Variants in ANK3 observed in about 807,000 individuals in gnomAD.
The protein encoded by ANK3 is ankyrin 3.
ANK3 carries 57 observed loss-of-function variants against 370.9 expected under a neutral mutation model. That is an observed-to-expected ratio of 0.15 (90% CI 0.12 to 0.19). ANK3 has a LOEUF of 0.19. Among genes scored for constraint, ANK3 ranks in the 10% least tolerant of loss-of-function variants. ANK3 has a pLI of 1.00. For missense variants in ANK3, 4,439 were observed against 5,302.1 expected, an observed-to-expected ratio of 0.84 and a Z score of 5.06; for synonymous variants, 1,929 against 1,946.3, an observed-to-expected ratio of 0.99 and a Z score of 0.23.
At chr10:60,595,137 A>G (rs912876407) in intron 2 of ANK3, among the ~76,000 whole-genome samples, 1 of 152,188 alleles carries the variant, frequency 6.6e-6, no homozygotes, top group African/African-American at 2.4e-5. Flanking sequence ...GAACAGTAGC[A>G]GGTAAAAGAG....
chr10:60,168,625 G>A (rs751984425), intron 21 of ANK3, among the ~76,000 whole-genome samples: 10 of 152,060 alleles, frequency 6.6e-5, no homozygotes, highest in Admixed American at 2.6e-4. Flanking sequence ...GTGCCATGGT[G>A]GTTTACTGCA....
intron 6 of ANK3, 131 bp downstream of exon 6, chr10:60,263,704 C>T: frequency 9.4e-7 from 1 of 1,060,170 alleles, no homozygotes; most frequent in Admixed American, 2.2e-5. Flanking sequence ...AGCTCAGACA[C>T]ACATTGTTCC....
intron 2 of ANK3, among the ~76,000 whole-genome samples, chr10:60,532,825 G>A (rs921805748): frequency 6.6e-6 from 1 of 152,044 alleles, no homozygotes; most frequent in Non-Finnish European, 1.5e-5. Context: ...ATGGGTGTAG[G>A]TGTCAGACAG....
chr10:60,205,768 C>T (rs766371102), intron 11 of ANK3, 24 bp downstream of exon 11: 10 of 1,562,352 alleles, frequency 6.4e-6, no homozygotes, highest in Middle Eastern at 1.7e-4. Flanking sequence ...TCTCAGGACT[C>T]CCAGAAATCT....
chr10:60,186,745 A>G lies in ANK3; in HGVS notation c.2055T>C (p.Gly685=), dbSNP rs2132365481. Residue 685 remains glycine (G), a synonymous_variant, in exon 17 of 44, where the codon GGT becomes GGC. Coordinates refer to ENST00000280772, the MANE Select transcript of ANK3 (RefSeq NM_020987.5). ...GHVDMVSLLL[G]RNANVNLSNK... is the part of the protein sequence containing the mutation. ...TGCTCAGGTTCACATTCGCATTTCT[A>G]CCGAGGAGCAGCGACACCATGTCCA... The G allele has an allele frequency of 1.2e-6, 2 of 1,614,038 alleles. No homozygotes were observed. Among genetic ancestry groups the G allele is most frequent in the Admixed American group, 3.3e-5 (2 of 60,000 alleles).
At position 60,251,080 on chromosome 10, in the gene ANK3, T is replaced by C. The variant is rs142472776; in HGVS notation, c.798+10779A>G. On this transcript the variant is annotated intron_variant, in intron 7 of 43. Coordinates refer to ENST00000280772, the MANE Select transcript of ANK3 (RefSeq NM_020987.5). ...GAACTTCTTGCTTCCTAGTATAAAA[T>C]GGAAATCATATCCACACCTCATGAA... Among the ~76,000 whole-genome samples, 446 of 152,340 alleles carry C rather than the reference T, an allele frequency of 2.9e-3. 2 individuals are homozygous for C. The highest frequency in any genetic ancestry group is 0.01 in the African/African-American group (420 of 41,572).
At chr10:60,513,396 C>T (rs1162525242) in intron 2 of ANK3, among the ~76,000 whole-genome samples, 1 of 152,078 alleles carries the variant, frequency 6.6e-6, no homozygotes, top group East Asian at 1.9e-4. Flanking sequence ...AATGGTGTTA[C>T]TTACTATCCA....
chr10:60,293,234 C>A (rs1280167759), intron 1 of ANK3, among the ~76,000 whole-genome samples: 1 of 152,172 alleles, frequency 6.6e-6, no homozygotes, highest in East Asian at 1.9e-4. Flanking sequence ...GATCCGCTGG[C>A]ATTCATCTCA....
Position 60,063,263 on chromosome 10 carries a change from G to A in ANK3, c.12452-9C>T, listed in dbSNP as rs757161454. The stretch of plus-strand genomic sequence containing the variant: ...CGAAGTTAAGGCATCAGCTGAAAAG[G>A]AGAAAAAAAGGTTGAAAACCCAATT... On this transcript the variant is annotated splice_polypyrimidine_tract_variant and intron_variant, in intron 39 of 43. Transcript: ENST00000280772. The A allele has an allele frequency of 2.1e-5, 33 of 1,597,282 alleles. No homozygotes were observed. The highest frequency in any genetic ancestry group is 4.1e-5 in the African/African-American group (3 of 73,886).
intron 1 of ANK3, among the ~76,000 whole-genome samples, chr10:60,283,682 A>G (rs2098199923): frequency 6.6e-6 from 1 of 152,186 alleles, no homozygotes; most frequent in African/African-American, 2.4e-5. Context: ...TCACGGATAG[A>G]GTCAAGCATT....
intron 12 of ANK3, among the ~76,000 whole-genome samples, chr10:60,201,164 A>G (rs996009356): frequency 2.6e-5 from 4 of 152,228 alleles, no homozygotes; most frequent in African/African-American, 9.6e-5. Context: ...TGTTTACTGG[A>G]AAGGTGCTGA....
At chr10:60,732,689 C>G (rs188910733) in intron 1 of ANK3, among the ~76,000 whole-genome samples, 79 of 151,992 alleles carry the variant, frequency 5.2e-4, no homozygotes, top group African/African-American at 1.6e-3. Flanking sequence ...AAAAAGAAAA[C>G]AAAACAAAAC....
chr10:60,077,024 C>T (rs1052850663), intron 36 of ANK3, among the ~76,000 whole-genome samples: 2 of 152,150 alleles, frequency 1.3e-5, no homozygotes, highest in African/African-American at 2.4e-5. Flanking sequence ...TCCAAAACCA[C>T]TCAAGCCTAT....
At position 60,210,372 on chromosome 10, in the gene ANK3, T is replaced by C. The variant is rs929386308; in HGVS notation, c.997-2139A>G. Among the ~76,000 whole-genome samples the C allele has an allele frequency of 2.0e-5, 3 of 150,732 alleles. No homozygotes were observed. In the East Asian group the frequency reaches 5.9e-4, roughly 29 times the overall value. On this transcript the variant is annotated intron_variant, in intron 9 of 43. Coordinates refer to ENST00000280772, the MANE Select transcript of ANK3 (RefSeq NM_020987.5). ...CCTGTCTATGAGGAAGACATTTGAG[T>C]TGAAGAATATACGGGGACCACAGAG...
At position 60,068,887 on chromosome 10, in the gene ANK3, T is replaced by C. The variant is rs777819782; in HGVS notation, c.11994A>G (p.Glu3998=). The C allele has an allele frequency of 6.2e-7, 1 of 1,614,174 alleles. No individual in the cohort carries two copies. Among genetic ancestry groups the C allele is most frequent in the Non-Finnish European group, 8.5e-7 (1 of 1,180,024 alleles). Residue 3998 remains glutamate (E), a synonymous_variant, in exon 37 of 44, where the codon GAA becomes GAG. Transcript: ENST00000280772. The stretch of plus-strand genomic sequence containing the variant: ...TCTCACCACTAATTCCCTTAAAATA[T>C]TCAATGGAATGTTTACATACTTCCT... ...QLKEVCKHSI[E]YFKGISGETL... is the part of the protein sequence containing the mutation.
chr10:60,722,878 A>G lies in ANK3; in HGVS notation c.57+10385T>C, dbSNP rs75159704. Among the ~76,000 whole-genome samples the G allele has an allele frequency of 2.5e-3, 378 of 152,280 alleles. 1 individual carries two copies. The highest frequency in any genetic ancestry group is 8.8e-3 in the African/African-American group (367 of 41,560). Reference sequence around the variant, plus strand: ...TTCCAGCAAAATTGGAAGCTTCCTGATGCCTTAGCAGGAGCAGATGCCAAC... The same window carrying G: ...TTCCAGCAAAATTGGAAGCTTCCTGGTGCCTTAGCAGGAGCAGATGCCAAC... On this transcript the variant is annotated intron_variant, in intron 1 of 43. Coordinates refer to the ANK3 transcript ENST00000373827.
chr10:60,334,420 C>G lies in ANK3; in HGVS notation c.115-54781G>C, dbSNP rs1489141510. On this transcript the variant is annotated intron_variant, in intron 1 of 43. Coordinates refer to ENST00000280772, the MANE Select transcript of ANK3 (RefSeq NM_020987.5). ...TTTACTACCGTGGTTAAAATTTGCA[C>G]TCTTAGCAAGCCAGCATCACTGTAC... Among the ~76,000 whole-genome samples the G allele has an allele frequency of 2.0e-5, 3 of 152,144 alleles. No homozygotes were observed. In the South Asian group the frequency reaches 6.2e-4, roughly 32 times the overall value.
intron 9 of ANK3, among the ~76,000 whole-genome samples, chr10:60,211,112 G>A (rs766967503): frequency 4.6e-5 from 7 of 152,200 alleles, no homozygotes; most frequent in African/African-American, 9.7e-5. Context: ...CTGTGGAAGC[G>A]TAGTACCTCA....
Position 60,267,416 on chromosome 10 carries a change from C to G in ANK3, c.513+2715G>C, listed in dbSNP as rs1201359907. Among the ~76,000 whole-genome samples, 4 of 152,110 alleles carry G rather than the reference C, an allele frequency of 2.6e-5. No homozygotes were observed. In the South Asian group the frequency reaches 8.3e-4, roughly 32 times the overall value. ...AGATGTTGTTTATATAGCAATATAA[C>G]AGCAACCTCCCTGAAGACATGAACG... On this transcript the variant is annotated intron_variant, in intron 5 of 43. Coordinates refer to ENST00000280772, the MANE Select transcript of ANK3 (RefSeq NM_020987.5).
Sources: gnomAD v4.1 joint callset for allele counts (sites outside exome capture counted in the v4.1 genomes callset) on GRCh38, gnomAD v4.1.1 for gene constraint, MANE v1.5 for transcripts, NCBI Gene and HGNC (gene_info 2026-07-23, HGNC 2026-07-21) for gene names.